The following C2orf49 variants were observed in gnomAD, a reference collection of about 807,000 sequenced individuals.
C2orf49 encodes the protein tRNA-splicing ligase complex subunit ASW.
C2orf49 carries 11 observed loss-of-function variants against 20.6 expected under a neutral mutation model. That is an observed-to-expected ratio of 0.53 (90% CI 0.34 to 0.88). The LOEUF (loss-of-function observed/expected upper bound fraction) is 0.88. C2orf49 is among the 40% of genes least tolerant of loss of function. The probability of loss-of-function intolerance (pLI) is 0.02; values close to 1 mark genes in which losing one functional copy is unlikely to be tolerated. For missense variants in C2orf49, 289 were observed against 274.2 expected, an observed-to-expected ratio of 1.05 and a Z score of -0.38; for synonymous variants, 134 against 108.5, an observed-to-expected ratio of 1.24 and a Z score of -1.46.
At chr2:105,355,389 A>G in the C2orf49 span, among the ~76,000 whole-genome samples, 3 of 152,170 alleles carry the variant, frequency 2.0e-5, no homozygotes, top group Admixed American at 1.3e-4. Flanking sequence ...GACAATGACA[A>G]TCGTCTCTGC....
chr2:105,373,736 G>A, the C2orf49 span: 1 of 1,613,658 alleles, frequency 6.2e-7, no homozygotes, highest in Non-Finnish European at 8.5e-7. Flanking sequence ...GACAAGTCCT[G>A]TGGGGCCAGA....
chr2:105,338,141 A>G (rs6704740), intron 1 of C2orf49, among the ~76,000 whole-genome samples: 1,932 of 152,332 alleles, frequency 0.013, 55 homozygotes, highest in African/African-American at 0.045. Context: ...TAAGGTCACA[A>G]CATCTGTAAA....
the C2orf49 span, among the ~76,000 whole-genome samples, chr2:105,382,515 G>T: frequency 7.8e-3 from 1,184 of 152,238 alleles, 6 homozygotes; most frequent in Admixed American, 0.014. Flanking sequence ...TCCATAAAAT[G>T]GAATGAAAAA....
At chr2:105,365,673 A>C in the C2orf49 span, among the ~76,000 whole-genome samples, 37 of 146,680 alleles carry the variant, frequency 2.5e-4, no homozygotes, top group African/African-American at 9.2e-4. Context: ...CGTCTCTACT[A>C]CAAAAAAAAA....
At chr2:105,349,861 T>G (rs1304436951), downstream of C2orf49, among the ~76,000 whole-genome samples, 1 of 152,228 alleles carries the variant, frequency 6.6e-6, no homozygotes, top group East Asian at 1.9e-4. Flanking sequence ...GCATTCTACA[T>G]GTGTCCAGTT....
At chr2:105,368,239 A>G in the C2orf49 span, among the ~76,000 whole-genome samples, 1 of 152,234 alleles carries the variant, frequency 6.6e-6, no homozygotes, top group Non-Finnish European at 1.5e-5. Context: ...AGCCTCTACA[A>G]CACTCACTTT....
the C2orf49 span, among the ~76,000 whole-genome samples, chr2:105,383,097 G>A: frequency 6.6e-6 from 1 of 152,282 alleles, no homozygotes; most frequent in East Asian, 1.9e-4. Flanking sequence ...TGTTGGCCAG[G>A]CTGGTCTCCA....
the C2orf49 span, among the ~76,000 whole-genome samples, chr2:105,385,549 A>G: frequency 2.0e-5 from 3 of 152,210 alleles, no homozygotes; most frequent in Non-Finnish European, 4.4e-5. Flanking sequence ...AGAGATGCCA[A>G]AGGAATCCCA....
chr2:105,370,870 C>A, the C2orf49 span, among the ~76,000 whole-genome samples: 3 of 152,246 alleles, frequency 2.0e-5, no homozygotes, highest in African/African-American at 7.2e-5. Flanking sequence ...ACCGAAGATT[C>A]AATGGGATTC....
At chr2:105,380,409 T>G in the C2orf49 span, among the ~76,000 whole-genome samples, 1 of 152,152 alleles carries the variant, frequency 6.6e-6, no homozygotes, top group Non-Finnish European at 1.5e-5. Flanking sequence ...ATCTATCTGT[T>G]TAGAGACAGG....
At chr2:105,357,946 A>G in the C2orf49 span, 1 of 152,208 alleles carries the variant, frequency 6.6e-6, no homozygotes, top group Non-Finnish European at 1.5e-5. Flanking sequence ...TGTATGCCTT[A>G]GAGAATGCTT....
At chr2:105,358,527 T>A in the C2orf49 span, 1 of 152,152 alleles carries the variant, frequency 6.6e-6, no homozygotes, top group Non-Finnish European at 1.5e-5. Flanking sequence ...CAGAATAGAG[T>A]TTGTCACATG....
chr2:105,368,013 T>C, the C2orf49 span, among the ~76,000 whole-genome samples: 1 of 152,214 alleles, frequency 6.6e-6, no homozygotes, highest in Non-Finnish European at 1.5e-5. Context: ...GTTAGGAATG[T>C]TAAATCTAAA....
intron 2 of C2orf49, 81 bp downstream of exon 2, chr2:105,339,830 A>G (rs971909998): frequency 2.9e-5 from 37 of 1,275,456 alleles, no homozygotes; most frequent in Non-Finnish European, 3.9e-5. Flanking sequence ...CCTGAGATAA[A>G]CTTAAGTAAA....
At position 105,347,056 on chromosome 2, in the gene C2orf49, C is replaced by A. The variant is rs1021827084; in HGVS notation, c.*1685C>A. 6.6e-6 allele frequency: 1 copy of A among 152,118 alleles called. No homozygotes were observed. The highest frequency in any genetic ancestry group is 2.4e-5 in the African/African-American group (1 of 41,446). 9.4% of individuals were successfully genotyped at this position (152,118 alleles called of 1,614,324 possible). On this transcript the variant is annotated 3_prime_UTR_variant, in exon 4 of 4. Coordinates refer to ENST00000258457, the MANE Select transcript of C2orf49 (RefSeq NM_024093.3). ...CATTTTAGTTCAGCTATTGAATAGC[C>A]TTCCAAAAAATTAATTCAGCCTTGC...
chr2:105,381,504 C>T, the C2orf49 span, among the ~76,000 whole-genome samples: 2 of 152,096 alleles, frequency 1.3e-5, no homozygotes, highest in Non-Finnish European at 2.9e-5. Context: ...AGCCTCGGTG[C>T]ATGCGAGGTC....
At chr2:105,373,265 G>A in the C2orf49 span, among the ~76,000 whole-genome samples, 91 of 152,300 alleles carry the variant, frequency 6.0e-4, no homozygotes, top group African/African-American at 2.1e-3. Context: ...GGGAGAGTGG[G>A]GGCTGATGCA....
the C2orf49 span, among the ~76,000 whole-genome samples, chr2:105,380,662 G>GCAAA: frequency 6.6e-6 from 1 of 152,152 alleles, no homozygotes; most frequent in African/African-American, 2.4e-5. Context: ...AACAGAGATA[G>GCAAA]CACTTCGATG....
chr2:105,359,473 T>C, the C2orf49 span: 2 of 152,250 alleles, frequency 1.3e-5, no homozygotes, highest in Non-Finnish European at 2.9e-5. Context: ...ATGCTCAGCA[T>C]ATATCAGACT....
Sources: allele counts gnomAD v4.1 joint callset (sites outside exome capture counted in the v4.1 genomes callset), GRCh38; gene constraint gnomAD v4.1.1; transcripts MANE v1.5; gene names NCBI Gene and HGNC (gene_info 2026-07-23, HGNC 2026-07-21).